SASH1: variants seen among roughly 807,000 people sequenced by gnomAD.
SASH1 encodes SAM and SH3 domain-containing protein 1.
A neutral mutation model predicts 125.2 loss-of-function variants in SASH1; 44 were observed. The ratio of observed to expected loss-of-function variants is 0.35; its 90% CI spans 0.28 to 0.45. The LOEUF (loss-of-function observed/expected upper bound fraction) is 0.45. Ranked by LOEUF, SASH1 falls within the 20% of genes least tolerant of loss-of-function variation. The pLI, the probability that SASH1 is intolerant of heterozygous loss-of-function variation, is 1.00. For missense variants in SASH1, 1,426 were observed against 1,614.5 expected (o/e 0.88, Z 2.00); for synonymous variants, 639 against 649.1 (o/e 0.98, Z 0.24).
At chr6:148,215,281 C>T in the SASH1 span, among the ~76,000 whole-genome samples, 1 of 152,186 alleles carries the variant, frequency 6.6e-6, no homozygotes, top group African/African-American at 2.4e-5. Context: ...AAAAAAACAA[C>T]CCAGTTTGGA....
At chr6:148,369,989 A>G (rs1352246514) in intron 1 of SASH1, among the ~76,000 whole-genome samples, 2 of 135,040 alleles carry the variant, frequency 1.5e-5, no homozygotes, top group African/African-American at 2.8e-5. Context: ...AAAAAAAAGG[A>G]AAGAAAAACC....
intron 8 of SASH1, chr6:148,513,527 C>G: frequency 5.1e-6 from 5 of 985,452 alleles, no homozygotes; most frequent in Non-Finnish European, 6.0e-6. Context: ...TTGTTTTTAG[C>G]CTGGGTCACT....
chr6:148,200,161 G>T, the SASH1 span, among the ~76,000 whole-genome samples: 1 of 152,188 alleles, frequency 6.6e-6, no homozygotes, highest in Non-Finnish European at 1.5e-5. Context: ...TATAGCAGTT[G>T]TGACTACAGC....
chr6:148,467,245 T>C lies in SASH1; in HGVS notation c.387-1300T>C, dbSNP rs927142893. Among the ~76,000 whole-genome samples, 7 of 152,062 alleles carry C rather than the reference T, an allele frequency of 4.6e-5. 1 individual carries two copies. The highest frequency in any genetic ancestry group is 3.3e-4 in the Admixed American group (5 of 15,264). ...CCGAGTAGCTAGGATTACAGGCCTG[T>C]GCCACCACGCCTAGCTAATTTTTGT... On this transcript the variant is annotated intron_variant, in intron 4 of 19. Transcript: ENST00000367467.
At chr6:148,546,515 A>G (rs1200144373) in intron 19 of SASH1, among the ~76,000 whole-genome samples, 1 of 152,210 alleles carries the variant, frequency 6.6e-6, no homozygotes, top group African/African-American at 2.4e-5. Flanking sequence ...AAGAAATAAA[A>G]TAAAATCCGT....
chr6:148,452,544 C>T (rs569612068), intron 4 of SASH1, among the ~76,000 whole-genome samples: 6 of 152,204 alleles, frequency 3.9e-5, no homozygotes, highest in Non-Finnish European at 8.8e-5. Context: ...GTTTACGCTC[C>T]GCTAGTTGTG....
At chr6:148,228,147 G>A in the SASH1 span, among the ~76,000 whole-genome samples, 3 of 152,096 alleles carry the variant, frequency 2.0e-5, no homozygotes, top group African/African-American at 7.2e-5. Context: ...AATTGAAGTC[G>A]ATTGTGAAGA....
intron 17 of SASH1, among the ~76,000 whole-genome samples, chr6:148,542,650 G>A (rs1288449454): frequency 6.6e-6 from 1 of 152,180 alleles, no homozygotes; most frequent in African/African-American, 2.4e-5. Flanking sequence ...GCCTCCTTAA[G>A]TTGTGATGAT....
At chr6:148,332,787 A>C (rs952721695) in intron 1 of SASH1, among the ~76,000 whole-genome samples, 1 of 152,166 alleles carries the variant, frequency 6.6e-6, no homozygotes, top group East Asian at 1.9e-4. Context: ...GGAGTTCGAG[A>C]CCAGCCAGAC....
chr6:148,503,676 G>A (rs959263656), intron 8 of SASH1, among the ~76,000 whole-genome samples: 13 of 152,060 alleles, frequency 8.5e-5, no homozygotes, highest in African/African-American at 2.4e-4. Context: ...TAGACTGTGC[G>A]TGTGCATTTG....
intron 1 of SASH1, among the ~76,000 whole-genome samples, chr6:148,301,291 A>C (rs1273912934): frequency 1.4e-5 from 2 of 139,984 alleles, no homozygotes; most frequent in Non-Finnish European, 3.0e-5. Context: ...GTGCCATTGC[A>C]CTCCAGCCTG....
At chr6:148,227,367 G>T in the SASH1 span, among the ~76,000 whole-genome samples, 4 of 152,150 alleles carry the variant, frequency 2.6e-5, no homozygotes, top group African/African-American at 9.7e-5. Context: ...TTGTTTGTTT[G>T]TTTGTTTTGA....
chr6:148,433,230 C>A (rs1179730993), intron 2 of SASH1, among the ~76,000 whole-genome samples: 1 of 152,016 alleles, frequency 6.6e-6, no homozygotes, highest in Non-Finnish European at 1.5e-5. Context: ...TTCTTTTTAA[C>A]TATACCATAC....
At chr6:148,217,100 G>A in the SASH1 span, among the ~76,000 whole-genome samples, 3 of 152,132 alleles carry the variant, frequency 2.0e-5, no homozygotes, top group Non-Finnish European at 4.4e-5. Context: ...AGGTTAGGGA[G>A]TTAAATGAAA....
At chr6:148,393,057 T>C (rs1783796101) in intron 2 of SASH1, among the ~76,000 whole-genome samples, 1 of 147,666 alleles carries the variant, frequency 6.8e-6, no homozygotes. Flanking sequence ...TTTTTTTTTT[T>C]TTTTTTGAGA....
chr6:148,526,561 C>T (rs533565028), intron 11 of SASH1, among the ~76,000 whole-genome samples: 1 of 152,196 alleles, frequency 6.6e-6, no homozygotes, highest in Admixed American at 6.5e-5. Context: ...GATTCTTAAG[C>T]CAATAGTTTT....
In SASH1 at chr6:148,368,237, A is replaced by C. The variant is rs528437626; in HGVS notation, c.157-21897A>C. Among the ~76,000 whole-genome samples, 7 of 152,226 alleles carry C rather than the reference A, an allele frequency of 4.6e-5. No homozygotes were observed. The South Asian group carries it at 1.5e-3, about 32-fold the overall frequency. ...CTGTGGTGGTGAAGGCAGATTTTGG[A>C]GTAGACAGGAATGGATTTGAAGCCA... is the stretch of plus-strand genomic sequence containing the variant. On this transcript the variant is annotated intron_variant, in intron 1 of 19. Transcript: ENST00000367467.
At chr6:148,294,454 TG>T (rs1479790299) in intron 1 of SASH1, among the ~76,000 whole-genome samples, 1 of 152,166 alleles carries the variant, frequency 6.6e-6, no homozygotes, top group Non-Finnish European at 1.5e-5. Flanking sequence ...CTCACCAGAA[TG>T]AAGTCCAAAT....
At position 148,463,448 on chromosome 6, in the gene SASH1, T is replaced by C. The variant is rs189819616; in HGVS notation, c.387-5097T>C. 7.0e-4 allele frequency among the ~76,000 whole-genome samples: 107 copies of C among 152,270 alleles called. 1 individual carries two copies. Among genetic ancestry groups the C allele is most frequent in the South Asian group, 6.4e-3 (31 of 4,814 alleles). ...TCAGACACTGCGCCCAGCTGCGATA[T>C]AATTTTTGTAAAACGGAGTTTAATA... On this transcript the variant is annotated intron_variant, in intron 4 of 19. Coordinates refer to ENST00000367467, the MANE Select transcript of SASH1 (RefSeq NM_015278.5).
Sources: gnomAD v4.1 joint callset for allele counts (sites outside exome capture counted in the v4.1 genomes callset) on GRCh38, gnomAD v4.1.1 for gene constraint, MANE v1.5 for transcripts, NCBI Gene and HGNC (gene_info 2026-07-23, HGNC 2026-07-21) for gene names.